DIS3L: variants seen among roughly 807,000 people sequenced by gnomAD.
The protein encoded by DIS3L is DIS3-like exonuclease 1.
DIS3L carries 100 observed loss-of-function variants against 120.3 expected under a neutral mutation model. The observed-to-expected ratio is 0.83, with a 90% CI of 0.71 to 0.98. The LOEUF (loss-of-function observed/expected upper bound fraction) is 0.98. Among genes scored for constraint, DIS3L ranks in the 50% least tolerant of loss-of-function variants. The pLI is 0.00. For missense variants in DIS3L, 1,196 were observed against 1,314.2 expected (o/e 0.91, Z 1.39); for synonymous variants, 426 against 470.6 (o/e 0.91, Z 1.23).
At chr15:66,323,431 ACAGT>A in intron 10 of DIS3L, 58 bp from the exon 11 acceptor site, 1 of 1,559,096 alleles carries the variant, frequency 6.4e-7, no homozygotes, top group Non-Finnish European at 8.8e-7. Flanking sequence ...TGCGGCCCAC[ACAGT>A]CAGCAGTTCT....
intron 12 of DIS3L, among the ~76,000 whole-genome samples, chr15:66,327,406 T>C (rs554821705): frequency 2.6e-5 from 4 of 152,168 alleles, no homozygotes; most frequent in Non-Finnish European, 5.9e-5. Flanking sequence ...CCACCCTCAA[T>C]TGAGTGAGAC....
chr15:66,297,016 G>T (rs1002742509), intron 2 of DIS3L, among the ~76,000 whole-genome samples: 1 of 151,198 alleles, frequency 6.6e-6, no homozygotes, highest in Non-Finnish European at 1.5e-5. Context: ...TTTGAGACTG[G>T]TCTTTAAGGC....
chr15:66,323,594 A>G lies in DIS3L; in HGVS notation c.1667+9A>G, dbSNP rs1369688973. On this transcript the variant is annotated intron_variant, in intron 11 of 16. Coordinates refer to ENST00000319212, the MANE Select transcript of DIS3L (RefSeq NM_001143688.3). ...CTGGGAGGCGTTGATAGGTGAGTTT[A>G]TGGCTTTTGTCTTCAAAGCTTGTCC... The G allele has an allele frequency of 6.2e-7, 1 of 1,613,788 alleles. No individual in the cohort carries two copies. Among genetic ancestry groups the G allele is most frequent in the Non-Finnish European group, 8.5e-7 (1 of 1,179,830 alleles).
At chr15:66,308,981 A>C in intron 4 of DIS3L, 137 bp downstream of exon 4, 112 of 876,138 alleles carry the variant, frequency 1.3e-4, no homozygotes, top group Non-Finnish European at 1.6e-4. Context: ...GTGGTGGCTC[A>C]TGCCTGTAAT....
At chr15:66,307,168 T>A (rs112606374) in intron 3 of DIS3L, among the ~76,000 whole-genome samples, 5 of 152,218 alleles carry the variant, frequency 3.3e-5, no homozygotes, top group African/African-American at 1.2e-4. Flanking sequence ...TAGGAAGATA[T>A]AGGTACCCAG....
intron 10 of DIS3L, 121 bp from the exon 11 acceptor site, chr15:66,323,372 A>T: frequency 2.2e-6 from 2 of 927,430 alleles, no homozygotes; most frequent in East Asian, 2.4e-5. Flanking sequence ...TTTATGAAAC[A>T]GCAACAGCCT....
At chr15:66,332,514 G>GTGTGTGTATA (rs1436427790) in intron 15 of DIS3L, among the ~76,000 whole-genome samples, 1 of 74,730 alleles carries the variant, frequency 1.3e-5, no homozygotes, top group African/African-American at 3.5e-5. Flanking sequence ...GTGTGTGTGT[G>GTGTGTGTATA]TATATATATA....
chr15:66,301,651 T>G (rs2092649506), intron 2 of DIS3L, among the ~76,000 whole-genome samples: 1 of 152,186 alleles, frequency 6.6e-6, no homozygotes, highest in African/African-American at 2.4e-5. Context: ...CATGGTGCTG[T>G]TTGCTGACTC....
At chr15:66,298,484 T>C (rs2092613922) in intron 2 of DIS3L, among the ~76,000 whole-genome samples, 1 of 152,234 alleles carries the variant, frequency 6.6e-6, no homozygotes, top group Non-Finnish European at 1.5e-5. Context: ...CAAATGAACA[T>C]TATTCAACGT....
At chr15:66,326,532 T>C (rs1017567113) in intron 12 of DIS3L, 168 bp downstream of exon 12, 2 of 774,640 alleles carry the variant, frequency 2.6e-6, no homozygotes, top group South Asian at 2.0e-5. Flanking sequence ...TTGTTATGTA[T>C]AGAGACTTAA....
At chr15:66,308,901 G>T in intron 4 of DIS3L, 57 bp downstream of exon 4, 2 of 1,526,172 alleles carry the variant, frequency 1.3e-6, no homozygotes, top group Non-Finnish European at 1.8e-6. Flanking sequence ...TACCCATAAG[G>T]CTCTAGATCC....
At chr15:66,322,159 T>C (rs2092891287) in intron 9 of DIS3L, among the ~76,000 whole-genome samples, 1 of 152,208 alleles carries the variant, frequency 6.6e-6, no homozygotes, top group Non-Finnish European at 1.5e-5. Flanking sequence ...GGACTAGAAT[T>C]TTCTCTTCCC....
intron 4 of DIS3L, among the ~76,000 whole-genome samples, chr15:66,311,375 C>T (rs1216258651): frequency 6.6e-6 from 1 of 151,996 alleles, no homozygotes; most frequent in East Asian, 1.9e-4. Context: ...AAAAAAAGTA[C>T]ATATAGGCCA....
intron 8 of DIS3L, among the ~76,000 whole-genome samples, chr15:66,319,864 C>T (rs927962846): frequency 2.6e-5 from 4 of 151,276 alleles, no homozygotes; most frequent in Admixed American, 2.6e-4. Flanking sequence ...CCTGTAATCC[C>T]AACACTTTGG....
chr15:66,332,514 G>A lies in DIS3L; in HGVS notation c.2682-222G>A, dbSNP rs75382008. The stretch of plus-strand genomic sequence containing the variant: ...TGTGTGTGTGTGTGTGTGTGTGTGT[G>A]TATATATATACACACACACTTCTAT... On this transcript the variant is annotated intron_variant, in intron 15 of 16. Coordinates refer to ENST00000319212, the MANE Select transcript of DIS3L (RefSeq NM_001143688.3). Among the ~76,000 whole-genome samples, 312 of 74,748 alleles carry A rather than the reference G, an allele frequency of 4.2e-3. 5 individuals carry two copies. The highest frequency in any genetic ancestry group is 0.025 in the South Asian group (52 of 2,090). 49.0% of individuals were successfully genotyped at this position (74,748 alleles called of 152,430 possible).
intron 5 of DIS3L, among the ~76,000 whole-genome samples, chr15:66,312,299 C>T (rs749773642): frequency 6.6e-6 from 1 of 151,834 alleles, no homozygotes; most frequent in Non-Finnish European, 1.5e-5. Context: ...TCTGATTTCA[C>T]AGGCTGCAAA....
rs961692809 is a variant in DIS3L, at chr15:66,294,908, C to T, written c.140-80C>T. On this transcript the variant is annotated intron_variant, in intron 1 of 16. Transcript: ENST00000319212. Reference sequence around the variant, plus strand: ...GGAGTTAAGACTGGAAGTTATTTTGCATGCCAGAGCACCGTGACATTTAAA... The same window carrying T: ...GGAGTTAAGACTGGAAGTTATTTTGTATGCCAGAGCACCGTGACATTTAAA... 15 of 1,371,156 alleles carry T rather than the reference C, an allele frequency of 1.1e-5. No homozygotes were observed. In the African/African-American group the frequency reaches 2.2e-4, roughly 20 times the overall value. 84.9% of individuals were successfully genotyped at this position (1,371,156 alleles called of 1,614,324 possible). A position where few individuals can be genotyped will look rare whatever the true frequency, so the allele number is the denominator to read the frequency against.
chr15:66,295,250 CT>C (rs1370759034), intron 2 of DIS3L, 109 bp downstream of exon 2: 1 of 1,051,866 alleles, frequency 9.5e-7, no homozygotes, highest in African/African-American at 1.6e-5. Context: ...TCAGAAGGGA[CT>C]TTTAAAACTA....
At chr15:66,299,900 AT>A (rs2092629189) in intron 2 of DIS3L, among the ~76,000 whole-genome samples, 1 of 151,952 alleles carries the variant, frequency 6.6e-6, no homozygotes, top group Non-Finnish European at 1.5e-5. Flanking sequence ...AATACAAAAA[AT>A]TAGCCAGCTG....
Sources: gnomAD v4.1 joint callset for allele counts (sites outside exome capture counted in the v4.1 genomes callset) on GRCh38, gnomAD v4.1.1 for gene constraint, MANE v1.5 for transcripts, NCBI Gene and HGNC (gene_info 2026-07-23, HGNC 2026-07-21) for gene names.